The following PMS2 variants were observed in gnomAD, a reference collection of about 807,000 sequenced individuals.
The protein encoded by PMS2 is mismatch repair endonuclease PMS2.
A neutral mutation model predicts 90.0 loss-of-function variants in PMS2; 69 were observed. The ratio of observed to expected loss-of-function variants is 0.77; its 90% CI spans 0.63 to 0.94. PMS2 has a LOEUF of 0.94. Among genes scored for constraint, PMS2 ranks in the 40% least tolerant of loss-of-function variants. The pLI is 0.00. For synonymous variants in PMS2, 332 were observed against 375.1 expected, an observed-to-expected ratio of 0.89 and a Z score of 1.33; for missense variants, 966 against 1,040.2, an observed-to-expected ratio of 0.93 and a Z score of 0.98.
intron 8 of PMS2, among the ~76,000 whole-genome samples, chr7:5,994,484 A>G (rs111623216): frequency 5.3e-5 from 8 of 150,194 alleles, no homozygotes; most frequent in South Asian, 4.2e-4. Flanking sequence ...AGTTAAAAAT[A>G]TTGTATCTGC....
chr7:5,978,751 A>C (rs1782000888), intron 12 of PMS2, 55 bp from the exon 13 acceptor site: 1 of 1,409,526 alleles, frequency 7.1e-7, no homozygotes, highest in Admixed American at 1.8e-5. Context: ...ATTTAGCTTT[A>C]CAGCAGAAAT....
chr7:6,002,301 C>T, intron 5 of PMS2, 152 bp downstream of exon 5: 2 of 656,720 alleles, frequency 3.0e-6, no homozygotes, highest in South Asian at 3.6e-5. Context: ...AAAGTTAAGT[C>T]TTTAATGTTA....
Position 5,986,986 on chromosome 7 carries a change from CT to C in PMS2, c.1778del (p.Lys593SerfsTer2), listed in dbSNP as rs766389591. On this transcript the variant is annotated frameshift_variant, in exon 11 of 15. Coordinates refer to ENST00000265849, the MANE Select transcript of PMS2 (RefSeq NM_000535.7). LOFTEE classifies it high-confidence loss of function. ...EILSSSDICQ[K>X]LVNTQDMSAS... The stretch of plus-strand genomic sequence containing the variant: ...CTGACATGTCCTGAGTATTTACTAA[CT>C]TTTGACAAATGTCAGAACTGGAAAG... The C allele has an allele frequency of 7.4e-6, 12 of 1,614,182 alleles. No individual in the cohort carries two copies. Among genetic ancestry groups the C allele is most frequent in the Non-Finnish European group, 1.0e-5 (12 of 1,180,018 alleles).
rs747041230 is a variant in PMS2, at chr7:5,994,065, A to C, written c.903+1469T>G. On this transcript the variant is annotated intron_variant, in intron 8 of 14. Coordinates refer to ENST00000265849, the MANE Select transcript of PMS2 (RefSeq NM_000535.7). ...ATAATGTATATATGCAGATACAAAC[A>C]CACTCACGTATATGCAATTTAAAAA... 1.6e-4 allele frequency among the ~76,000 whole-genome samples: 25 copies of C among 151,990 alleles called. No homozygotes were observed. In the Middle Eastern group the frequency reaches 0.014, roughly 83 times the overall value.
rs980073563 is a variant in PMS2 at position 5,976,003 on chromosome 7, G to A, written c.2445+1585C>T. Among the ~76,000 whole-genome samples, 9 of 142,266 alleles carry A rather than the reference G, an allele frequency of 6.3e-5. 3 individuals are homozygous for A. In the South Asian group the frequency reaches 9.8e-4, roughly 15 times the overall value. The allele number at this position is 142,266 out of a possible 152,430, so 93.3% of individuals were successfully genotyped here. On this transcript the variant is annotated intron_variant, in intron 14 of 14. Transcript: ENST00000265849. ...CGCCTGTAATCCCAGCACTTTGGGA[G>A]ACCAAGGCGGGCAGATCATGAGGTC...
intron 7 of PMS2, among the ~76,000 whole-genome samples, chr7:5,997,026 C>G (rs528269208): frequency 6.6e-6 from 1 of 151,772 alleles, no homozygotes; most frequent in African/African-American, 2.4e-5. Context: ...ACCAGCCTGG[C>G]CAACATGGTG....
intron 9 of PMS2, 77 bp from the exon 10 acceptor site, chr7:5,990,032 G>C (rs2128749609): frequency 9.8e-7 from 1 of 1,021,738 alleles, no homozygotes; most frequent in Non-Finnish European, 1.4e-6. Context: ...TTTTCAGACA[G>C]CGTCTCACTC....
At chr7:6,000,738 C>T (rs1256828052) in intron 5 of PMS2, among the ~76,000 whole-genome samples, 1 of 152,124 alleles carries the variant, frequency 6.6e-6, no homozygotes, top group African/African-American at 2.4e-5. Context: ...CACCTGTAAT[C>T]CCAGCACTTT....
chr7:5,991,862 T>C, intron 9 of PMS2, 111 bp downstream of exon 9: 1 of 704,064 alleles, frequency 1.4e-6, no homozygotes, highest in Non-Finnish European at 2.6e-6. Flanking sequence ...AACAAAAAAC[T>C]TACATGACCA....
At chr7:5,985,557 CT>C (rs898216216) in intron 11 of PMS2, among the ~76,000 whole-genome samples, 214 of 115,744 alleles carry the variant, frequency 1.8e-3, no homozygotes, top group Middle Eastern at 4.3e-3. Flanking sequence ...TTTTCTTTTT[CT>C]TTTTTTTTTT....
intron 5 of PMS2, among the ~76,000 whole-genome samples, chr7:6,001,648 T>C (rs59089086): frequency 1.3e-5 from 2 of 151,856 alleles, no homozygotes; most frequent in Non-Finnish European, 2.9e-5. Flanking sequence ...GGATTACAGG[T>C]GTGAGCCACT....
chr7:5,990,689 T>C (rs1035543630), intron 9 of PMS2, among the ~76,000 whole-genome samples: 2 of 152,124 alleles, frequency 1.3e-5, no homozygotes, highest in Non-Finnish European at 2.9e-5. Flanking sequence ...GACCCAGTAA[T>C]TCTACTCCCG....
rs578121257 is a variant in PMS2, at chr7:6,006,070, G to C, written c.24-39C>G. On this transcript the variant is annotated intron_variant, in intron 1 of 14. Coordinates refer to ENST00000265849, the MANE Select transcript of PMS2 (RefSeq NM_000535.7). ...TTACAAGAAACAAATCAAGTATTCAGCTATATATTTTCATCCTGATTTTAA... is the reference window on the plus strand; with the variant it reads ...TTACAAGAAACAAATCAAGTATTCACCTATATATTTTCATCCTGATTTTAA... 4 of 1,605,940 alleles carry C rather than the reference G, an allele frequency of 2.5e-6. No individual in the cohort carries two copies. In the African/African-American group the frequency reaches 5.3e-5, roughly 21 times the overall value.
rs368415268 is a variant in PMS2 at position 5,976,012 on chromosome 7, G to A, written c.2445+1576C>T. The stretch of plus-strand genomic sequence containing the variant: ...TCCCAGCACTTTGGGAGACCAAGGC[G>A]GGCAGATCATGAGGTCAGGAGATCA... On this transcript the variant is annotated intron_variant, in intron 14 of 14. Transcript: ENST00000265849. Among the ~76,000 whole-genome samples the A allele has an allele frequency of 1.2e-3, 174 of 143,650 alleles. 8 individuals are homozygous for A. The highest frequency in any genetic ancestry group is 4.0e-3 in the African/African-American group (161 of 40,328). 94.2% of individuals were successfully genotyped at this position (143,650 alleles called of 152,430 possible).
intron 14 of PMS2, among the ~76,000 whole-genome samples, chr7:5,976,137 G>A (rs1271884730): frequency 3.5e-5 from 5 of 141,292 alleles, no homozygotes; most frequent in Non-Finnish European, 6.3e-5. Flanking sequence ...TTGGGAGGCT[G>A]AGGCAGGAGA....
At chr7:5,992,595 T>C (rs1299925842) in intron 8 of PMS2, among the ~76,000 whole-genome samples, 3 of 152,270 alleles carry the variant, frequency 2.0e-5, no homozygotes, top group South Asian at 2.1e-4. Flanking sequence ...GCTGGGATTA[T>C]AGGCGTAAGC....
At chr7:6,001,076 GATT>G (rs1467758134) in intron 5 of PMS2, among the ~76,000 whole-genome samples, 3 of 152,280 alleles carry the variant, frequency 2.0e-5, no homozygotes, top group Non-Finnish European at 1.5e-5. Context: ...TAACTTTTTA[GATT>G]ATGAAAAACA....
At chr7:5,997,832 A>T (rs990538988) in intron 6 of PMS2, among the ~76,000 whole-genome samples, 7 of 152,080 alleles carry the variant, frequency 4.6e-5, no homozygotes, top group African/African-American at 1.7e-4. Flanking sequence ...TCAAACACAT[A>T]ATCCCAACAG....
intron 9 of PMS2, among the ~76,000 whole-genome samples, chr7:5,991,729 C>T (rs1783750687): frequency 6.6e-6 from 1 of 151,930 alleles, no homozygotes; most frequent in Non-Finnish European, 1.5e-5. Flanking sequence ...GTCCCAGCTA[C>T]TTGGGAGGCT....
Sources: gnomAD v4.1 joint callset for allele counts (sites outside exome capture counted in the v4.1 genomes callset) on GRCh38, gnomAD v4.1.1 for gene constraint, MANE v1.5 for transcripts, NCBI Gene and HGNC (gene_info 2026-07-23, HGNC 2026-07-21) for gene names.